CARTPT: variants seen among roughly 807,000 people sequenced by gnomAD.
CARTPT encodes the protein CART prepropeptide.
Under a neutral mutation model 12.2 loss-of-function variants are expected in CARTPT, and 6 were observed. That is an observed-to-expected ratio of 0.49 (90% CI 0.27 to 0.97). The LOEUF is 0.97. CARTPT is among the 50% of genes least tolerant of loss of function. The pLI, the probability that CARTPT is intolerant of heterozygous loss-of-function variation, is 0.12. For missense variants in CARTPT, 135 were observed against 142.0 expected (o/e 0.95, Z 0.25); for synonymous variants, 75 against 64.1 (o/e 1.17, Z -0.82).
At position 71,719,868 on chromosome 5, in the gene CARTPT, G is replaced by A. The variant is rs760190498; in HGVS notation, c.160-12G>A. ...AGGCGGCAACTTCAGGCTCCGAAGCGGTGTGTTGCAGATCGAAGCGCTGCA... is the reference window on the plus strand; with the variant it reads ...AGGCGGCAACTTCAGGCTCCGAAGCAGTGTGTTGCAGATCGAAGCGCTGCA... On this transcript the variant is annotated splice_polypyrimidine_tract_variant and intron_variant, in intron 1 of 2. Coordinates refer to ENST00000296777, the MANE Select transcript of CARTPT (RefSeq NM_004291.4). The A allele has an allele frequency of 6.2e-7, 1 of 1,614,058 alleles. No individual in the cohort carries two copies. The highest frequency in any genetic ancestry group is 8.5e-7 in the Non-Finnish European group (1 of 1,179,928).
In CARTPT at chr5:71,721,044, T is replaced by A; in HGVS notation, c.*429T>A. On this transcript the variant is annotated 3_prime_UTR_variant, in exon 3 of 3. Transcript: ENST00000296777. ...ATACATAATAAAGTGTTTTTAATAATTGCCCATAGTGCACTGCTGTTTTCA... is the reference window on the plus strand; with the variant it reads ...ATACATAATAAAGTGTTTTTAATAAATGCCCATAGTGCACTGCTGTTTTCA... 1 of 199,662 alleles carries A rather than the reference T, an allele frequency of 5.0e-6. No individual in the cohort carries two copies. The highest frequency in any genetic ancestry group is 1.0e-5 in the Non-Finnish European group (1 of 96,078). The allele number at this position is 199,662 out of a possible 1,614,324, so 12.4% of individuals were successfully genotyped here.
Position 71,720,891 on chromosome 5 carries a change from G to A in CARTPT, c.*276G>A, listed in dbSNP as rs527579275. The A allele has an allele frequency of 2.4e-6, 1 of 420,436 alleles. No homozygotes were observed. Among genetic ancestry groups the A allele is most frequent in the African/African-American group, 2.0e-5 (1 of 49,806 alleles). 26.0% of individuals were successfully genotyped at this position (420,436 alleles called of 1,614,324 possible). On this transcript the variant is annotated 3_prime_UTR_variant, in exon 3 of 3. Transcript: ENST00000296777. ...CCTTTGTGTAAAGAAGGGAAGCTTT[G>A]TTTGAAAATTGTATTTTTGTATGTG...
In CARTPT at chr5:71,719,978, C is replaced by A; in HGVS notation, c.243+15C>A. The A allele has an allele frequency of 6.2e-7, 1 of 1,605,952 alleles. No homozygotes were observed. The highest frequency in any genetic ancestry group is 1.1e-5 in the South Asian group (1 of 90,924). On this transcript the variant is annotated intron_variant, in intron 2 of 2. Coordinates refer to ENST00000296777, the MANE Select transcript of CARTPT (RefSeq NM_004291.4). ...AAGTCCCCATGGTAAGGTTTGTGGT[C>A]ACTCCCTTCCCGTGTTTTTCCAAGA...
At position 71,719,452 on chromosome 5, in the gene CARTPT, G is replaced by C; in HGVS notation, c.159G>C (p.Leu53=). 1 of 1,614,062 alleles carries C rather than the reference G, an allele frequency of 6.2e-7. No homozygotes were observed. The highest frequency in any genetic ancestry group is 8.5e-7 in the Non-Finnish European group (1 of 1,180,026). ...ATGATGCCTCCCACGAGAAGGAGCT[G>C]GTCGGTATTCCCCTCGCTCTCGACC... The part of the protein sequence containing the change: ...AVDDASHEKE[L]IEALQEVLKK... The change falls in exon 1 of 3, where the codon CTG becomes CTC. Residue 53 remains leucine, a splice_region_variant and synonymous_variant. Transcript: ENST00000296777.
chr5:71,720,397 A>G, intron 2 of CARTPT, 111 bp from the exon 3 acceptor site: 1 of 862,538 alleles, frequency 1.2e-6, no homozygotes, highest in Non-Finnish European at 1.9e-6. Context: ...TGTGATGGTG[A>G]TGGGGTCCAA....
chr5:71,719,280 C>A lies in CARTPT; in HGVS notation c.-14C>A. On this transcript the variant is annotated 5_prime_UTR_variant, in exon 1 of 3. Transcript: ENST00000296777. The stretch of plus-strand genomic sequence containing the variant: ...GGAGCGCGTGGTGCCCCAGCAACGA[C>A]GAGTTTCAGAACGATGGAGAGCTCC... 6.2e-7 allele frequency: 1 copy of A among 1,609,998 alleles called. No homozygotes were observed. The highest frequency in any genetic ancestry group is 1.1e-5 in the South Asian group (1 of 91,038).
rs1748655392 is a variant in CARTPT at position 71,719,338 on chromosome 5, C to A, written c.45C>A (p.Ala15=). The change falls in exon 1 of 3, where the codon GCC becomes GCA. Residue 15 remains alanine (A), a synonymous_variant. Transcript: ENST00000296777. ...GGCTGCTGCCCCTCCTGGGCGCCGC[C>A]CTGCTGCTGATGCTACCTCTGTTGG... ...RVRLLPLLGA[A]LLLMLPLLGT... 3.7e-6 allele frequency: 6 copies of A among 1,613,764 alleles called. No homozygotes were observed. The highest frequency in any genetic ancestry group is 4.2e-6 in the Non-Finnish European group (5 of 1,180,044).
In CARTPT at chr5:71,719,622, C is replaced by T. The variant is rs928132485; in HGVS notation, c.159+170C>T. On this transcript the variant is annotated intron_variant, in intron 1 of 2. Coordinates refer to ENST00000296777, the MANE Select transcript of CARTPT (RefSeq NM_004291.4). ...CCGAAGAGCGTCTCGAGCTCACGGG[C>T]TCCTGGCAGTCTGTTGAGCGAATCC... is the stretch of plus-strand genomic sequence containing the variant. 21 of 852,206 alleles carry T rather than the reference C, an allele frequency of 2.5e-5. No homozygotes were observed. The African/African-American group carries it at 2.8e-4, about 11-fold the overall frequency. The allele number at this position is 852,206 out of a possible 1,614,324, so 52.8% of individuals were successfully genotyped here.
Position 71,720,832 on chromosome 5 carries a change from T to G in CARTPT, c.*217T>G. 1 of 548,004 alleles carries G rather than the reference T, an allele frequency of 1.8e-6. No homozygotes were observed. The highest frequency in any genetic ancestry group is 3.3e-6 in the Non-Finnish European group (1 of 305,158). 33.9% of individuals were successfully genotyped at this position (548,004 alleles called of 1,614,324 possible). The stretch of plus-strand genomic sequence containing the variant: ...ATGGTGTTGATACGTGTGTGAAGTA[T>G]TCTTATTTTATTTGTCTGACAAACT... On this transcript the variant is annotated 3_prime_UTR_variant, in exon 3 of 3. Coordinates refer to ENST00000296777, the MANE Select transcript of CARTPT (RefSeq NM_004291.4).
Position 71,720,552 on chromosome 5 carries a change from C to A in CARTPT, c.288C>A (p.Ile96=). ...EQCAVRKGAR[I]GKLCDCPRGT... ...GTGCAGTGAGGAAAGGGGCAAGGAT[C>A]GGGAAGCTGTGTGACTGTCCCCGAG... The change falls in exon 3 of 3, where the codon ATC becomes ATA. Residue 96 remains isoleucine, a synonymous_variant. Coordinates refer to ENST00000296777, the MANE Select transcript of CARTPT (RefSeq NM_004291.4). The A allele has an allele frequency of 1.9e-6, 3 of 1,613,236 alleles. No individual in the cohort carries two copies. The highest frequency in any genetic ancestry group is 4.5e-5 in the East Asian group (2 of 44,868).
Position 71,720,787 on chromosome 5 carries a change from T to A in CARTPT, c.*172T>A. On this transcript the variant is annotated 3_prime_UTR_variant, in exon 3 of 3. Transcript: ENST00000296777. ...TAAAAGAACACATTAGATGTTACTG[T>A]GTGAAGAATAATGCCTTGTATGGTG... 2 of 653,118 alleles carry A rather than the reference T, an allele frequency of 3.1e-6. No individual in the cohort carries two copies. Among genetic ancestry groups the A allele is most frequent in the Non-Finnish European group, 5.5e-6 (2 of 362,454 alleles). The allele number at this position is 653,118 out of a possible 1,614,324, so 40.5% of individuals were successfully genotyped here.
In CARTPT at chr5:71,720,400, G is replaced by C. The variant is rs542784558; in HGVS notation, c.244-108G>C. On this transcript the variant is annotated intron_variant, in intron 2 of 2. Transcript: ENST00000296777. ...ACGTAGACCTCTTGTGATGGTGATGGGGTCCAATTGCCCCTTTCAAGAGAC... is the reference window on the plus strand; with the variant it reads ...ACGTAGACCTCTTGTGATGGTGATGCGGTCCAATTGCCCCTTTCAAGAGAC... 4.0e-5 allele frequency: 35 copies of C among 879,526 alleles called. No homozygotes were observed. The South Asian group carries it at 5.0e-4, about 13-fold the overall frequency. 54.5% of individuals were successfully genotyped at this position (879,526 alleles called of 1,614,324 possible).
Position 71,719,801 on chromosome 5 carries a change from A to T in CARTPT, c.160-79A>T, listed in dbSNP as rs1051518881. The T allele has an allele frequency of 3.7e-6, 5 of 1,358,240 alleles. No homozygotes were observed. In the African/African-American group the frequency reaches 7.1e-5, roughly 19 times the overall value. 84.1% of individuals were successfully genotyped at this position (1,358,240 alleles called of 1,614,324 possible). A position where few individuals can be genotyped will look rare whatever the true frequency, so the allele number is the denominator to read the frequency against. On this transcript the variant is annotated intron_variant, in intron 1 of 2. Transcript: ENST00000296777. The stretch of plus-strand genomic sequence containing the variant: ...TGCGTGTGGGTCCGGGGCTCCTTAT[A>T]ACTAGGGCTGGAAGTGCGCACCTGG...
In CARTPT at chr5:71,720,585, C is replaced by T. The variant is rs1483303694; in HGVS notation, c.321C>T (p.Ser107=). ...TGTGTGACTGTCCCCGAGGAACCTCCTGCAATTCCTTCCTCCTGAAGTGCT... is the reference window on the plus strand; with the variant it reads ...TGTGTGACTGTCCCCGAGGAACCTCTTGCAATTCCTTCCTCCTGAAGTGCT... ...GKLCDCPRGT[S]CNSFLLKCL Residue 107 remains serine, a synonymous_variant, in exon 3 of 3, where the codon TCC becomes TCT. Coordinates refer to ENST00000296777, the MANE Select transcript of CARTPT (RefSeq NM_004291.4). 6.2e-7 allele frequency: 1 copy of T among 1,611,382 alleles called. No homozygotes were observed. The highest frequency in any genetic ancestry group is 2.2e-5 in the East Asian group (1 of 44,846).
chr5:71,720,014 C>A (rs753655318), intron 2 of CARTPT, 51 bp downstream of exon 2: 28 of 1,451,614 alleles, frequency 1.9e-5, no homozygotes, highest in Non-Finnish European at 2.6e-5. Context: ...GAAAGTACAC[C>A]GCCTTGAATC....
intron 1 of CARTPT, 53 bp from the exon 2 acceptor site, chr5:71,719,827 G>C (rs1748670366): frequency 6.4e-7 from 1 of 1,563,520 alleles, no homozygotes. Context: ...GCGCACCTGG[G>C]CTGGGCTCGC....
At position 71,720,592 on chromosome 5, in the gene CARTPT, T is replaced by C; in HGVS notation, c.328T>C (p.Ser110Pro). The change falls in exon 3 of 3, where the codon TCC (serine) becomes CCC (proline). Residue 110 changes from serine to proline, a missense_variant. Transcript: ENST00000296777. ...CTGTCCCCGAGGAACCTCCTGCAAT[T>C]CCTTCCTCCTGAAGTGCTTATGAAG... ...CDCPRGTSCN[S>P]FLLKCL 1 of 1,610,660 alleles carries C rather than the reference T, an allele frequency of 6.2e-7. No individual in the cohort carries two copies. The highest frequency in any genetic ancestry group is 8.5e-7 in the Non-Finnish European group (1 of 1,178,688).
rs1457179397 is a variant in CARTPT, at chr5:71,719,468, G to A, written c.159+16G>A. ...GAAGGAGCTGGTCGGTATTCCCCTCGCTCTCGACCCCCTTGAGCTGTCGCC... is the reference window on the plus strand; with the variant it reads ...GAAGGAGCTGGTCGGTATTCCCCTCACTCTCGACCCCCTTGAGCTGTCGCC... On this transcript the variant is annotated intron_variant, in intron 1 of 2. Coordinates refer to ENST00000296777, the MANE Select transcript of CARTPT (RefSeq NM_004291.4). 1.2e-6 allele frequency: 2 copies of A among 1,613,686 alleles called. No individual in the cohort carries two copies. The highest frequency in any genetic ancestry group is 1.7e-6 in the Non-Finnish European group (2 of 1,179,954).
chr5:71,720,597 C>T lies in CARTPT; in HGVS notation c.333C>T (p.Phe111=), dbSNP rs1748688195. 5 of 1,609,918 alleles carry T rather than the reference C, an allele frequency of 3.1e-6. No individual in the cohort carries two copies. In the East Asian group the frequency reaches 1.1e-4, roughly 36 times the overall value. ...CCCGAGGAACCTCCTGCAATTCCTT[C>T]CTCCTGAAGTGCTTATGAAGGGGCG... The part of the protein sequence containing the change: ...DCPRGTSCNS[F]LLKCL Residue 111 remains phenylalanine, a synonymous_variant, in exon 3 of 3, where the codon TTC becomes TTT. Transcript: ENST00000296777.
Sources: gnomAD v4.1 joint callset for allele counts on GRCh38, gnomAD v4.1.1 for gene constraint, MANE v1.5 for transcripts, NCBI Gene and HGNC (gene_info 2026-07-23, HGNC 2026-07-21) for gene names.